The following PTPRT variants were observed in gnomAD, a reference collection of about 807,000 sequenced individuals.
The protein encoded by PTPRT is protein tyrosine phosphatase receptor type T.
Under a neutral mutation model 176.8 loss-of-function variants are expected in PTPRT, and 56 were observed. The observed-to-expected ratio is 0.32, with a 90% confidence interval of 0.26 to 0.40. PTPRT has a LOEUF of 0.40. PTPRT is among the 10% of genes least tolerant of loss of function. The pLI is 1.00. For missense variants in PTPRT, 1,540 were observed against 1,908.2 expected, an observed-to-expected ratio of 0.81 and a Z score of 3.60; for synonymous variants, 783 against 739.0, an observed-to-expected ratio of 1.06 and a Z score of -0.96.
At chr20:42,044,657 A>G in the PTPRT span, among the ~76,000 whole-genome samples, 1 of 152,256 alleles carries the variant, frequency 6.6e-6, no homozygotes, top group Non-Finnish European at 1.5e-5. Context: ...TTTGCTGGGC[A>G]TGAGTCTAAG....
intron 9 of PTPRT, among the ~76,000 whole-genome samples, chr20:42,419,115 C>T (rs2059093099): frequency 1.3e-5 from 2 of 152,214 alleles, no homozygotes; most frequent in African/African-American, 4.8e-5. Flanking sequence ...ACTGTAACAG[C>T]TACAATGAGC....
At chr20:42,145,858 A>G (rs1450179960) in intron 17 of PTPRT, among the ~76,000 whole-genome samples, 1 of 152,230 alleles carries the variant, frequency 6.6e-6, no homozygotes, top group Non-Finnish European at 1.5e-5. Flanking sequence ...CTGGAAGAGA[A>G]GCAATACAGG....
At chr20:42,986,386 G>A (rs982936846) in intron 1 of PTPRT, among the ~76,000 whole-genome samples, 3 of 152,114 alleles carry the variant, frequency 2.0e-5, no homozygotes, top group African/African-American at 2.4e-5. Flanking sequence ...ATTTTAGGAC[G>A]ACCAGCGTTT....
At position 42,618,447 on chromosome 20, in the gene PTPRT, T is replaced by C. The variant is rs868696754; in HGVS notation, c.1153+59419A>G. ...TTTGGGGTGGAGAGTTCTGTAGATG[T>C]CTATTAGGTCCGCTTGGTGCAGAGC... is the stretch of plus-strand genomic sequence containing the variant. On this transcript the variant is annotated intron_variant, in intron 7 of 30. Transcript: ENST00000373187. Among the ~76,000 whole-genome samples, 1,058 of 135,720 alleles carry C rather than the reference T, an allele frequency of 7.8e-3. 279 individuals are homozygous for C. The highest frequency in any genetic ancestry group is 0.034 in the African/African-American group (1,014 of 30,250). The allele number at this position is 135,720 out of a possible 152,430, so 89.0% of individuals were successfully genotyped here. A position where few individuals can be genotyped will look rare whatever the true frequency, so the allele number is the denominator to read the frequency against.
intron 9 of PTPRT, among the ~76,000 whole-genome samples, chr20:42,369,256 C>T (rs534481955): frequency 1.3e-5 from 2 of 152,312 alleles, no homozygotes; most frequent in East Asian, 1.9e-4. Flanking sequence ...TGTGCCACCA[C>T]GTCTGGCTTG....
intron 5 of PTPRT, among the ~76,000 whole-genome samples, chr20:42,768,410 G>GC (rs2077015964): frequency 6.6e-6 from 1 of 152,106 alleles, no homozygotes; most frequent in South Asian, 2.1e-4. Flanking sequence ...TAAGACTGTG[G>GC]TGGGGAACAT....
chr20:42,472,368 G>A lies in PTPRT; in HGVS notation c.1348C>T (p.Arg450Ter), dbSNP rs369115383. ...VIQTSSHYTLRGLRPFMTIRL... is the reference protein window; with the variant it reads ...VIQTSSHYTL ...ATGGTCATGAAGGGGCGCAGGCCTC[G>A]CAGGGTGTAGTGGGAGGAGGTCTGG... is the stretch of plus-strand genomic sequence containing the variant. The change falls in exon 8 of 31, where the codon CGA becomes TGA. Residue 450 changes from arginine (R) to a stop codon, truncating the protein, a stop_gained. Transcript: ENST00000373187. LOFTEE classifies it high-confidence loss of function. 1.2e-6 allele frequency: 2 copies of A among 1,614,202 alleles called. No homozygotes were observed. Among genetic ancestry groups the A allele is most frequent in the African/African-American group, 1.3e-5 (1 of 75,056 alleles).
chr20:42,610,214 T>C (rs2073951128), intron 7 of PTPRT, among the ~76,000 whole-genome samples: 1 of 152,188 alleles, frequency 6.6e-6, no homozygotes, highest in Non-Finnish European at 1.5e-5. Flanking sequence ...GATAGAAACT[T>C]AGACTTTTAG....
Position 42,225,825 on chromosome 20 carries a change from A to G in PTPRT, c.2342+10404T>C, listed in dbSNP as rs180705179. ...GCACCACCCCACCAGGCTAATTTTTATATTTTTAGTAGAGATGGGGTCTCG... is the reference window on the plus strand; with the variant it reads ...GCACCACCCCACCAGGCTAATTTTTGTATTTTTAGTAGAGATGGGGTCTCG... On this transcript the variant is annotated intron_variant, in intron 15 of 30. Transcript: ENST00000373187. Among the ~76,000 whole-genome samples, 17 of 152,070 alleles carry G rather than the reference A, an allele frequency of 1.1e-4. No individual in the cohort carries two copies. The East Asian group carries it at 3.1e-3, about 28-fold the overall frequency.
At chr20:42,755,457 A>G (rs1409100420) in intron 6 of PTPRT, among the ~76,000 whole-genome samples, 1 of 152,198 alleles carries the variant, frequency 6.6e-6, no homozygotes, top group South Asian at 2.1e-4. Context: ...TAATAAGAAA[A>G]GCTTCATTAT....
intron 7 of PTPRT, among the ~76,000 whole-genome samples, chr20:42,508,383 G>C (rs909743035): frequency 2.6e-5 from 4 of 152,128 alleles, no homozygotes; most frequent in Non-Finnish European, 5.9e-5. Context: ...GGTGGGGTCT[G>C]AATCCCAGCT....
At position 43,047,301 on chromosome 20, in the gene PTPRT, C is replaced by T. The variant is rs562972151; in HGVS notation, c.88+142345G>A. ...GAGTTTTGAAATTCATTTTCATTCA[C>T]TTTAATTTAAAAAAGAAATATAGGC... On this transcript the variant is annotated intron_variant, in intron 1 of 30. Transcript: ENST00000373187. Among the ~76,000 whole-genome samples the T allele has an allele frequency of 3.9e-5, 6 of 152,170 alleles. No homozygotes were observed. The East Asian group carries it at 7.7e-4, about 20-fold the overall frequency.
At chr20:42,907,107 GA>G (rs771177639) in intron 1 of PTPRT, among the ~76,000 whole-genome samples, 1 of 151,816 alleles carries the variant, frequency 6.6e-6, no homozygotes, top group African/African-American at 2.4e-5. Flanking sequence ...ATGAGTAAAT[GA>G]AAAAAATGAA....
At chr20:42,295,004 A>G (rs540033288) in intron 12 of PTPRT, among the ~76,000 whole-genome samples, 24 of 152,260 alleles carry the variant, frequency 1.6e-4, no homozygotes, top group East Asian at 1.9e-4. Context: ...AGAAAATCCA[A>G]CATATATATA....
At chr20:43,107,217 C>T (rs2012653585) in intron 1 of PTPRT, among the ~76,000 whole-genome samples, 1 of 152,130 alleles carries the variant, frequency 6.6e-6, no homozygotes, top group Non-Finnish European at 1.5e-5. Context: ...CAAACAGAGT[C>T]AAATAAGGAA....
intron 1 of PTPRT, among the ~76,000 whole-genome samples, chr20:43,033,641 A>G (rs1360012603): frequency 6.6e-6 from 1 of 152,232 alleles, no homozygotes; most frequent in Non-Finnish European, 1.5e-5. Context: ...TAAATGCACA[A>G]TCTCCTTCTT....
At chr20:42,786,586 T>C (rs112986824) in intron 3 of PTPRT, among the ~76,000 whole-genome samples, 5 of 152,116 alleles carry the variant, frequency 3.3e-5, no homozygotes, top group East Asian at 1.9e-4. Context: ...GGTGTGAACA[T>C]AGGGGGTACT....
chr20:42,764,446 C>A (rs1051613479), intron 5 of PTPRT, among the ~76,000 whole-genome samples: 26 of 152,048 alleles, frequency 1.7e-4, no homozygotes, highest in African/African-American at 6.3e-4. Flanking sequence ...TCTGGTTCAG[C>A]GGCCAATAAA....
At chr20:42,180,919 A>G (rs748707508) in intron 16 of PTPRT, among the ~76,000 whole-genome samples, 6 of 152,224 alleles carry the variant, frequency 3.9e-5, no homozygotes, top group Non-Finnish European at 8.8e-5. Flanking sequence ...CTCTACTACT[A>G]ATAGCTATGT....
Sources: allele counts gnomAD v4.1 joint callset (sites outside exome capture counted in the v4.1 genomes callset), GRCh38; gene constraint gnomAD v4.1.1; transcripts MANE v1.5; gene names NCBI Gene and HGNC (gene_info 2026-07-23, HGNC 2026-07-21).